Variants in FSHR observed in about 807,000 individuals in gnomAD.
The protein encoded by FSHR is follicle stimulating hormone receptor.
FSHR carries 46 observed loss-of-function variants against 52.1 expected under a neutral mutation model. The observed-to-expected ratio is 0.88, with a 90% CI of 0.70 to 1.13. FSHR has a LOEUF of 1.13. Among genes scored for constraint, FSHR ranks in the 50% most tolerant of loss-of-function variants. The pLI, the probability that FSHR is intolerant of heterozygous loss-of-function variation, is 0.00. For missense variants in FSHR, 964 were observed against 834.6 expected, an observed-to-expected ratio of 1.16 and a Z score of -1.91; for synonymous variants, 399 against 309.6, an observed-to-expected ratio of 1.29 and a Z score of -3.03.
At chr2:49,125,740 T>A (rs996225745) in intron 1 of FSHR, among the ~76,000 whole-genome samples, 2 of 152,196 alleles carry the variant, frequency 1.3e-5, no homozygotes, top group Non-Finnish European at 2.9e-5. Flanking sequence ...TTGTTGTTTG[T>A]AAATATTGGA....
chr2:49,118,654 G>A (rs1671690793), intron 1 of FSHR, among the ~76,000 whole-genome samples: 1 of 152,092 alleles, frequency 6.6e-6, no homozygotes, highest in Non-Finnish European at 1.5e-5. Flanking sequence ...AGAACAACTA[G>A]ACCCAATGTG....
At chr2:48,965,818 A>T (rs2103999043) in intron 9 of FSHR, among the ~76,000 whole-genome samples, 1 of 152,352 alleles carries the variant, frequency 6.6e-6, no homozygotes, top group Non-Finnish European at 1.5e-5. Flanking sequence ...TAAATAACTT[A>T]TGTCTCTGAG....
At chr2:48,965,911 G>T (rs899568560) in intron 9 of FSHR, among the ~76,000 whole-genome samples, 1 of 152,310 alleles carries the variant, frequency 6.6e-6, no homozygotes, top group East Asian at 1.9e-4. Flanking sequence ...TTATCATAAG[G>T]AGTTGGGAAT....
intron 4 of FSHR, among the ~76,000 whole-genome samples, chr2:49,001,523 A>C (rs1666884706): frequency 6.6e-6 from 1 of 152,168 alleles, no homozygotes; most frequent in African/African-American, 2.4e-5. Flanking sequence ...GAATAACTTG[A>C]ATTAAACTAC....
chr2:49,061,253 A>G (rs891878637), intron 2 of FSHR, among the ~76,000 whole-genome samples: 2 of 152,052 alleles, frequency 1.3e-5, no homozygotes, highest in South Asian at 2.1e-4. Context: ...TAAGCCTGGG[A>G]CCCTGCCCCC....
At chr2:49,138,564 T>G (rs1273216482) in intron 1 of FSHR, among the ~76,000 whole-genome samples, 1 of 152,164 alleles carries the variant, frequency 6.6e-6, no homozygotes, top group Non-Finnish European at 1.5e-5. Flanking sequence ...TGAATTAACC[T>G]TGAAAATATT....
In FSHR at chr2:48,962,686, A is replaced by G. The variant is rs763342652; in HGVS notation, c.*47T>C. 9 of 1,582,698 alleles carry G rather than the reference A, an allele frequency of 5.7e-6. No homozygotes were observed. Among genetic ancestry groups the G allele is most frequent in the Admixed American group, 1.7e-5 (1 of 59,976 alleles). On this transcript the variant is annotated 3_prime_UTR_variant, in exon 10 of 10. Transcript: ENST00000406846. ...TCTTTGTGACATACCCTTCAAAGGC[A>G]AGACTGAATTATCATTCAATACTCA...
chr2:49,142,554 A>T (rs1482746017), intron 1 of FSHR, among the ~76,000 whole-genome samples: 1 of 152,238 alleles, frequency 6.6e-6, no homozygotes, highest in African/African-American at 2.4e-5. Context: ...TGGCACCTCA[A>T]ACAGTGCCTG....
chr2:49,073,293 C>G (rs976876430), intron 1 of FSHR, among the ~76,000 whole-genome samples: 1 of 151,976 alleles, frequency 6.6e-6, no homozygotes, highest in African/African-American at 2.4e-5. Context: ...ATTACATGAT[C>G]TTATATACAG....
chr2:48,984,027 C>T (rs1400167723), intron 6 of FSHR, among the ~76,000 whole-genome samples: 1 of 152,158 alleles, frequency 6.6e-6, no homozygotes, highest in East Asian at 1.9e-4. Context: ...ACTACCTGCT[C>T]TTGTTTTGCT....
chr2:49,049,249 T>C (rs1207590242), intron 2 of FSHR, among the ~76,000 whole-genome samples: 2 of 152,100 alleles, frequency 1.3e-5, no homozygotes, highest in Non-Finnish European at 2.9e-5. Context: ...TATAATTCAC[T>C]GGAAGGTCTC....
At position 49,061,213 on chromosome 2, in the gene FSHR, C is replaced by A. The variant is rs1039222836; in HGVS notation, c.224+7006G>T. Among the ~76,000 whole-genome samples, 4 of 152,232 alleles carry A rather than the reference C, an allele frequency of 2.6e-5. No homozygotes were observed. In the East Asian group the frequency reaches 7.7e-4, roughly 29 times the overall value. On this transcript the variant is annotated intron_variant, in intron 2 of 9. Coordinates refer to ENST00000406846, the MANE Select transcript of FSHR (RefSeq NM_000145.4). ...AGGAGAGCAAACTTGCACCTCAAGA[C>A]CCAGGTGCCATAACAGGTATGCAAG...
At chr2:48,976,037 T>C (rs1240349720) in intron 8 of FSHR, among the ~76,000 whole-genome samples, 6 of 152,210 alleles carry the variant, frequency 3.9e-5, no homozygotes, top group African/African-American at 1.2e-4. Flanking sequence ...ATAGGAGTGG[T>C]GAGAGAGGGC....
chr2:48,963,712 C>T lies in FSHR; in HGVS notation c.1109G>A (p.Trp370Ter). The T allele has an allele frequency of 5.0e-6, 8 of 1,614,112 alleles. No homozygotes were observed. The highest frequency in any genetic ancestry group is 6.8e-6 in the Non-Finnish European group (8 of 1,180,004). Residue 370 changes from tryptophan (W) to a stop codon, truncating the protein, a stop_gained, in exon 10 of 10, where the codon TGG becomes TAG. Coordinates refer to ENST00000406846, the MANE Select transcript of FSHR (RefSeq NM_000145.4). LOFTEE classifies it high-confidence loss of function. ...MGYNILRVLI[W>*]FISILAITGN... ...AGTGATGGCCAGGATGCTGATAAAC[C>T]ATATCAGGACTCTGAGGATGTTGTA...
chr2:49,006,587 A>G (rs1328829381), intron 4 of FSHR, among the ~76,000 whole-genome samples: 1 of 151,978 alleles, frequency 6.6e-6, no homozygotes, highest in African/African-American at 2.4e-5. Flanking sequence ...TCCAAATCAT[A>G]TTTATCACTC....
At chr2:49,108,363 A>G (rs967277055) in intron 1 of FSHR, among the ~76,000 whole-genome samples, 3 of 152,078 alleles carry the variant, frequency 2.0e-5, no homozygotes, top group Non-Finnish European at 2.9e-5. Context: ...TCCTATATGT[A>G]TATTCTATTG....
chr2:49,023,453 C>T (rs1667811187), intron 2 of FSHR, among the ~76,000 whole-genome samples: 1 of 152,168 alleles, frequency 6.6e-6, no homozygotes, highest in Admixed American at 6.6e-5. Flanking sequence ...CATTCTTTCA[C>T]CCCCTTTTCT....
intron 9 of FSHR, among the ~76,000 whole-genome samples, chr2:48,968,028 C>A (rs895410691): frequency 6.6e-6 from 1 of 152,184 alleles, no homozygotes; most frequent in Non-Finnish European, 1.5e-5. Context: ...GTACAATCTC[C>A]AAGGCGACTT....
intron 1 of FSHR, among the ~76,000 whole-genome samples, chr2:49,109,875 T>C (rs1226824627): frequency 6.6e-6 from 1 of 152,118 alleles, no homozygotes; most frequent in Non-Finnish European, 1.5e-5. Flanking sequence ...TCTTTCCACT[T>C]CTAAGAAATC....
Sources: gnomAD v4.1 joint callset for allele counts (sites outside exome capture counted in the v4.1 genomes callset) on GRCh38, gnomAD v4.1.1 for gene constraint, MANE v1.5 for transcripts, NCBI Gene and HGNC (gene_info 2026-07-23, HGNC 2026-07-21) for gene names.